Variants in SMARCA1 observed in about 807,000 individuals in gnomAD.
SMARCA1 encodes SWI/SNF-related matrix-associated actin-dependent regulator of chromatin subfamily A member 1.
Under a neutral mutation model 93.6 loss-of-function variants are expected in SMARCA1, and 17 were observed. That is an observed-to-expected ratio of 0.18 (90% CI 0.12 to 0.27). SMARCA1 has a LOEUF of 0.27. Ranked by LOEUF, SMARCA1 falls within the 10% of genes least tolerant of loss-of-function variation. The pLI is 1.00. For missense variants in SMARCA1, 630 were observed against 819.0 expected (o/e 0.77, Z 2.82); for synonymous variants, 271 against 271.4 (o/e 1.00, Z 0.01).
Position 129,481,185 on chromosome X carries a change from G to A in SMARCA1, c.2218C>T (p.Leu740Phe). Reference protein sequence around the residue: ...EGEDYREKQKLGMVEWIEPPK... With the variant: ...EGEDYREKQKFGMVEWIEPPK... ...GGTTCAATCCATTCCACCATGCCAA[G>A]CTATACACAACAAACAACAACAAGG... The change falls in exon 18 of 25, where the codon CTT becomes TTT. Residue 740 changes from leucine to phenylalanine, a missense_variant and splice_region_variant. Leu to Phe is a conservative substitution (Grantham distance 22). Coordinates refer to ENST00000371121, the MANE Select transcript of SMARCA1 (RefSeq NM_001282874.2). 1 of 1,154,428 alleles carries A rather than the reference G, an allele frequency of 8.7e-7. No individual in the cohort carries two copies. The highest frequency in any genetic ancestry group is 1.2e-6 in the Non-Finnish European group (1 of 845,518).
rs1933106601 is a variant in SMARCA1 at position 129,471,234 on chromosome X, C to G, written c.2535G>C (p.Glu845Asp). 8.3e-7 allele frequency: 1 copy of G among 1,198,560 alleles called. No individual in the cohort carries two copies. Among genetic ancestry groups the G allele is most frequent in the Non-Finnish European group, 1.1e-6 (1 of 887,450 alleles). The change falls in exon 20 of 25, where the codon GAG becomes GAC. Residue 845 changes from glutamate to aspartate, a missense_variant. Glu to Asp is a conservative substitution (Grantham distance 45, BLOSUM62 2). Coordinates refer to ENST00000371121, the MANE Select transcript of SMARCA1 (RefSeq NM_001282874.2). The stretch of plus-strand genomic sequence containing the variant: ...TGAGAAGTTTTTCCTTTTCTTCAGT[C>G]TCTTCTGGTGTAAGAGGTTCAGCTC... ...IDGAEPLTPEETEEKEKLLTQ... is the reference protein window; with the variant it reads ...IDGAEPLTPEDTEEKEKLLTQ...
At chrX:129,468,731 T>A in intron 21 of SMARCA1, 42 bp downstream of exon 21, 1 of 1,003,345 alleles carries the variant, frequency 1.0e-6, no homozygotes, top group Non-Finnish European at 1.4e-6. Flanking sequence ...AATAAATGAA[T>A]AACGTTAAAA....
intron 23 of SMARCA1, among the ~76,000 whole-genome samples, chrX:129,461,574 T>C (rs1436695030): frequency 8.9e-6 from 1 of 111,847 alleles, no homozygotes; most frequent in Non-Finnish European, 1.9e-5. Flanking sequence ...GCAAGAAAAT[T>C]AAGCTAATGT....
At position 129,523,258 on chromosome X, in the gene SMARCA1, CCCT is replaced by C; in HGVS notation, c.110_112del (p.Glu37del). ...GGCTTCGGTGGCCGCGGCGGCCGCT[CCCT>C]CCTCCTGAGAGGTGGACGGCCCGGG... On this transcript the variant is annotated inframe_deletion, in exon 1 of 25. Coordinates refer to ENST00000371121, the MANE Select transcript of SMARCA1 (RefSeq NM_001282874.2). The C allele has an allele frequency of 8.3e-7, 1 of 1,210,929 alleles. No homozygotes were observed. Among genetic ancestry groups the C allele is most frequent in the Non-Finnish European group, 1.1e-6 (1 of 895,194 alleles).
At chrX:129,497,017 A>T in intron 11 of SMARCA1, 146 bp from the exon 12 acceptor site, 1 of 419,332 alleles carries the variant, frequency 2.4e-6, no homozygotes. Flanking sequence ...ACACACACAC[A>T]CACACCCCCA....
At chrX:129,470,852 G>C (rs914905407) in intron 20 of SMARCA1, among the ~76,000 whole-genome samples, 6 of 111,949 alleles carry the variant, frequency 5.4e-5, no homozygotes, top group African/African-American at 1.9e-4. Flanking sequence ...CTGGGTGACA[G>C]AGCGAGACTG....
At chrX:129,478,249 G>C (rs1207563158) in intron 19 of SMARCA1, among the ~76,000 whole-genome samples, 1 of 111,978 alleles carries the variant, frequency 8.9e-6, no homozygotes, top group African/African-American at 3.2e-5. Context: ...TAGAATGTAA[G>C]CTCCATGAGA....
chrX:129,488,205 T>C (rs942895898), intron 16 of SMARCA1, among the ~76,000 whole-genome samples: 1 of 104,872 alleles, frequency 9.5e-6, no homozygotes, highest in East Asian at 3.0e-4. Flanking sequence ...CTTTAACAAA[T>C]AGTGATTTAG....
At chrX:129,485,560 G>A (rs1933854768) in intron 17 of SMARCA1, among the ~76,000 whole-genome samples, 2 of 111,648 alleles carry the variant, frequency 1.8e-5, no homozygotes, top group Non-Finnish European at 3.8e-5. Flanking sequence ...TGCAATGTGA[G>A]AAGGGCATGA....
Position 129,499,719 on chromosome X carries a change from T to G in SMARCA1, c.1277+13A>C. 2.1e-6 allele frequency: 2 copies of G among 962,330 alleles called. No individual in the cohort carries two copies. The highest frequency in any genetic ancestry group is 2.9e-6 in the Non-Finnish European group (2 of 679,024). 79.3% of individuals were successfully genotyped at this position (962,330 alleles called of 1,213,427 possible). A position where few individuals can be genotyped will look rare whatever the true frequency, so the allele number is the denominator to read the frequency against. On this transcript the variant is annotated intron_variant, in intron 10 of 24. Transcript: ENST00000371121. ...ACACACAAATAAGTTTTAAAGGAAA[T>G]GAAATAGCTCACCATTCTCGTTGCA...
chrX:129,455,415 T>C lies in SMARCA1; in HGVS notation c.3031-6972A>G, dbSNP rs182342897. 1.3e-4 allele frequency among the ~76,000 whole-genome samples: 10 copies of C among 75,867 alleles called. No homozygotes were observed. The Admixed American group carries it at 2.1e-3, about 16-fold the overall frequency. The allele number at this position is 75,867 out of a possible 115,157, so 65.9% of individuals were successfully genotyped here. ...GTGGGAGTTGAACAATGAGAACACA[T>C]GGACACAAGGAAGGGAACATCACAC... On this transcript the variant is annotated intron_variant, in intron 23 of 24. Transcript: ENST00000371121.
rs1169851288 is a variant in SMARCA1 at position 129,523,463 on chromosome X, AG to A, written c.-94del. 12 of 725,859 alleles carry A rather than the reference AG, an allele frequency of 1.7e-5. No homozygotes were observed. The highest frequency in any genetic ancestry group is 2.2e-5 in the African/African-American group (1 of 44,951). 59.8% of individuals were successfully genotyped at this position (725,859 alleles called of 1,213,427 possible). The stretch of plus-strand genomic sequence containing the variant: ...TGCACTGGAAAGAGCTAGATGGAGC[AG>A]GGGTGGGGAATCACTCCGCTTCCAA... On this transcript the variant is annotated 5_prime_UTR_variant, in exon 1 of 25. Transcript: ENST00000371121.
At chrX:129,482,711 T>C (rs1005394150) in intron 17 of SMARCA1, among the ~76,000 whole-genome samples, 2 of 112,277 alleles carry the variant, frequency 1.8e-5, no homozygotes, top group Non-Finnish European at 3.8e-5. Context: ...TTTTACCCTA[T>C]TATCAGCTAG....
In SMARCA1 at chrX:129,504,877, C is replaced by T; in HGVS notation, c.1099-75G>A. On this transcript the variant is annotated intron_variant, in intron 8 of 24. Transcript: ENST00000371121. ...ACCCGATATTCTGTAGATTCTTATACAACCAATACGGAAATAATGCATTTA... is the reference window on the plus strand; with the variant it reads ...ACCCGATATTCTGTAGATTCTTATATAACCAATACGGAAATAATGCATTTA... 6.6e-6 allele frequency: 4 copies of T among 609,158 alleles called. No homozygotes were observed. In the South Asian group the frequency reaches 9.2e-5, roughly 14 times the overall value. The allele number at this position is 609,158 out of a possible 1,213,427, so 50.2% of individuals were successfully genotyped here.
At chrX:129,512,080 C>T in intron 5 of SMARCA1, 97 bp from the exon 6 acceptor site, 1 of 622,150 alleles carries the variant, frequency 1.6e-6, no homozygotes, top group Non-Finnish European at 2.5e-6. Flanking sequence ...TGTCCACTAT[C>T]TCGCAAAGGC....
intron 16 of SMARCA1, among the ~76,000 whole-genome samples, 160 bp downstream of exon 16, chrX:129,488,777 T>C (rs1161584386): frequency 9.0e-6 from 1 of 111,381 alleles, no homozygotes; most frequent in African/African-American, 3.3e-5. Flanking sequence ...AAAGCCTTAA[T>C]CTACCCCTGG....
chrX:129,463,995 T>C (rs1932851582), intron 23 of SMARCA1, among the ~76,000 whole-genome samples: 2 of 112,071 alleles, frequency 1.8e-5, no homozygotes, highest in South Asian at 7.4e-4. Flanking sequence ...AAATGTTGTG[T>C]TGCTGGATTC....
intron 19 of SMARCA1, among the ~76,000 whole-genome samples, chrX:129,476,434 GAAGTACAAGGAAACC>G (rs1424077593): frequency 1.8e-5 from 2 of 111,988 alleles, no homozygotes; most frequent in Non-Finnish European, 3.8e-5. Flanking sequence ...AAATAACCAG[GAAGTACAAGGAAACC>G]ACTCTCTACC....
At chrX:129,450,375 G>A (rs946264806) in intron 23 of SMARCA1, among the ~76,000 whole-genome samples, 1 of 111,991 alleles carries the variant, frequency 8.9e-6, no homozygotes, top group African/African-American at 3.2e-5. Context: ...TGAACTTTCA[G>A]TCTCCATAAT....
Sources: allele counts gnomAD v4.1 joint callset (sites outside exome capture counted in the v4.1 genomes callset), GRCh38; gene constraint gnomAD v4.1.1; transcripts MANE v1.5; gene names NCBI Gene and HGNC (gene_info 2026-07-23, HGNC 2026-07-21).